The following SGCZ variants were observed in gnomAD, a reference collection of about 807,000 sequenced individuals.
SGCZ encodes sarcoglycan zeta, also known as zeta-sarcoglycan.
A neutral mutation model predicts 41.3 loss-of-function variants in SGCZ; 40 were observed. That is an observed-to-expected ratio of 0.97 (90% CI 0.75 to 1.26). The LOEUF (loss-of-function observed/expected upper bound fraction) is 1.26, where lower values mean the gene tolerates loss of function less well. Ranked by LOEUF, SGCZ falls within the 50% of genes most tolerant of loss-of-function variation. The probability of loss-of-function intolerance (pLI) is 0.00; values close to 1 mark genes in which losing one functional copy is unlikely to be tolerated. For synonymous variants in SGCZ, 206 were observed against 137.5 expected, an observed-to-expected ratio of 1.50 and a Z score of -3.49; for missense variants, 552 against 369.8, an observed-to-expected ratio of 1.49 and a Z score of -4.04.
intron 1 of SGCZ, among the ~76,000 whole-genome samples, chr8:15,095,940 C>G (rs553362323): frequency 6.6e-6 from 1 of 152,214 alleles, no homozygotes; most frequent in Non-Finnish European, 1.5e-5. Flanking sequence ...ACTTTGTCAC[C>G]TAAATTTCAA....
At chr8:14,432,366 A>G (rs1382744603) in intron 2 of SGCZ, among the ~76,000 whole-genome samples, 1 of 152,242 alleles carries the variant, frequency 6.6e-6, no homozygotes, top group East Asian at 1.9e-4. Context: ...GAATGAAATA[A>G]TGGCATTTGC....
intron 1 of SGCZ, among the ~76,000 whole-genome samples, chr8:14,974,270 CA>C (rs1350275128): frequency 2.6e-5 from 4 of 151,898 alleles, no homozygotes; most frequent in Admixed American, 6.6e-5. Flanking sequence ...AAAACAGAAA[CA>C]AAAAAATTCT....
chr8:14,386,774 C>T (rs1368963787), intron 2 of SGCZ, among the ~76,000 whole-genome samples: 1 of 152,114 alleles, frequency 6.6e-6, no homozygotes, highest in African/African-American at 2.4e-5. Context: ...ATACTAAAAT[C>T]AATGCCTATA....
chr8:15,097,255 TTACTC>T (rs1347831975), intron 1 of SGCZ, among the ~76,000 whole-genome samples: 3 of 152,158 alleles, frequency 2.0e-5, no homozygotes, highest in African/African-American at 4.8e-5. Flanking sequence ...CTTGTAATAT[TTACTC>T]TAATGTAGAA....
At chr8:15,117,908 T>A (rs555831961) in intron 1 of SGCZ, among the ~76,000 whole-genome samples, 1 of 152,228 alleles carries the variant, frequency 6.6e-6, no homozygotes. Context: ...TAGGTATTAA[T>A]TGCTGTCTTA....
chr8:15,225,869 A>C (rs972931735), intron 1 of SGCZ, among the ~76,000 whole-genome samples: 1 of 152,132 alleles, frequency 6.6e-6, no homozygotes, highest in African/African-American at 2.4e-5. Flanking sequence ...TTCTTACGAA[A>C]TACCTCACTA....
At chr8:14,417,112 C>T (rs1799514303) in intron 2 of SGCZ, among the ~76,000 whole-genome samples, 1 of 151,726 alleles carries the variant, frequency 6.6e-6, no homozygotes, top group Non-Finnish European at 1.5e-5. Flanking sequence ...CAACCTGTTT[C>T]TTAGCTGTAA....
chr8:14,548,046 G>C (rs1036682650), intron 2 of SGCZ, among the ~76,000 whole-genome samples: 12 of 152,126 alleles, frequency 7.9e-5, no homozygotes, highest in African/African-American at 2.7e-4. Flanking sequence ...AGTATATGTT[G>C]TTAATTAATT....
At chr8:15,091,135 T>C (rs17120898) in intron 1 of SGCZ, among the ~76,000 whole-genome samples, 15,741 of 152,296 alleles carry the variant, frequency 0.1, 964 homozygotes, top group Middle Eastern at 0.22. Flanking sequence ...CTTTTCTTTA[T>C]ATTTTTTTGG....
intron 1 of SGCZ, among the ~76,000 whole-genome samples, chr8:14,851,383 A>AAAAAAAAG (rs1165603417): frequency 3.5e-5 from 5 of 143,336 alleles, no homozygotes; most frequent in African/African-American, 1.0e-4. Flanking sequence ...AAAAAAAAAA[A>AAAAAAAAG]AAAAAAAGAA....
In SGCZ at chr8:14,090,347, G is replaced by A; in HGVS notation, c.*96C>T. 4 of 1,312,212 alleles carry A rather than the reference G, an allele frequency of 3.0e-6. No individual in the cohort carries two copies. Among genetic ancestry groups the A allele is most frequent in the East Asian group, 2.4e-5 (1 of 42,014 alleles). The allele number at this position is 1,312,212 out of a possible 1,614,324, so 81.3% of individuals were successfully genotyped here. On this transcript the variant is annotated 3_prime_UTR_variant, in exon 8 of 8. Transcript: ENST00000382080. ...GAAGTTGCTCTGTGGACCATTCGAA[G>A]AAGCTCTGGACTGATCACAAGGGAA...
intron 1 of SGCZ, among the ~76,000 whole-genome samples, chr8:15,031,591 T>C (rs1484769904): frequency 2.6e-5 from 4 of 152,116 alleles, no homozygotes; most frequent in African/African-American, 7.2e-5. Context: ...AGTCAAGGAA[T>C]ATGTGCAAGG....
chr8:14,205,886 C>T (rs1805598442), intron 4 of SGCZ, among the ~76,000 whole-genome samples: 1 of 151,942 alleles, frequency 6.6e-6, no homozygotes, highest in Admixed American at 6.6e-5. Context: ...AAACAAATTA[C>T]CCAAGTTTTC....
intron 2 of SGCZ, among the ~76,000 whole-genome samples, chr8:14,518,900 A>C (rs975815300): frequency 1.3e-5 from 2 of 149,736 alleles, no homozygotes; most frequent in Admixed American, 1.3e-4. Flanking sequence ...CTACCAAAAA[A>C]AAAAAAAAAA....
intron 2 of SGCZ, among the ~76,000 whole-genome samples, chr8:14,436,523 G>C (rs923746607): frequency 4.6e-5 from 7 of 152,154 alleles, no homozygotes; most frequent in South Asian, 2.1e-4. Flanking sequence ...GTGGTAGTAA[G>C]ACCATATTTA....
intron 1 of SGCZ, among the ~76,000 whole-genome samples, chr8:14,797,734 G>A (rs1347890982): frequency 6.6e-6 from 1 of 152,166 alleles, no homozygotes; most frequent in African/African-American, 2.4e-5. Context: ...TGAGGCCTAG[G>A]AGGAAATAAT....
chr8:14,844,528 A>G (rs772314778), intron 1 of SGCZ, among the ~76,000 whole-genome samples: 4 of 152,096 alleles, frequency 2.6e-5, no homozygotes, highest in Non-Finnish European at 5.9e-5. Context: ...CCCCTTTACC[A>G]TGAAAATTGT....
chr8:14,534,694 C>A (rs1041809726), intron 2 of SGCZ, among the ~76,000 whole-genome samples: 1 of 151,856 alleles, frequency 6.6e-6, no homozygotes, highest in South Asian at 2.1e-4. Flanking sequence ...TACAAGGTAA[C>A]AATATCCAAT....
chr8:14,586,976 C>T (rs555591646), intron 1 of SGCZ, among the ~76,000 whole-genome samples: 1 of 151,526 alleles, frequency 6.6e-6, no homozygotes, highest in East Asian at 1.9e-4. Flanking sequence ...CTAAAATATA[C>T]TCTTTGGAAA....
Sources: gnomAD v4.1 joint callset for allele counts (sites outside exome capture counted in the v4.1 genomes callset) on GRCh38, gnomAD v4.1.1 for gene constraint, MANE v1.5 for transcripts, NCBI Gene and HGNC (gene_info 2026-07-23, HGNC 2026-07-21) for gene names.